The following LPIN2 variants were observed in gnomAD, a reference collection of about 807,000 sequenced individuals.
The protein encoded by LPIN2 is lipin 2.
Under a neutral mutation model 111.4 loss-of-function variants are expected in LPIN2, and 55 were observed. The ratio of observed to expected loss-of-function variants is 0.49; its 90% CI spans 0.40 to 0.62. LPIN2 has a LOEUF of 0.62. Ranked by LOEUF, LPIN2 falls within the 20% of genes least tolerant of loss-of-function variation. The probability of loss-of-function intolerance (pLI) is 0.00; values close to 1 mark genes in which losing one functional copy is unlikely to be tolerated. For synonymous variants in LPIN2, 425 were observed against 414.0 expected, an observed-to-expected ratio of 1.03 and a Z score of -0.32; for missense variants, 992 against 1,112.1, an observed-to-expected ratio of 0.89 and a Z score of 1.54.
At chr18:2,923,146 CGCAATA>C (rs1213245432) in intron 16 of LPIN2, among the ~76,000 whole-genome samples, 1 of 152,096 alleles carries the variant, frequency 6.6e-6, no homozygotes, top group African/African-American at 2.4e-5. Flanking sequence ...TAAGGCTGGG[CGCAATA>C]GCTCATGCCT....
chr18:2,991,994 T>A (rs1375652107), intron 1 of LPIN2, among the ~76,000 whole-genome samples: 1 of 129,672 alleles, frequency 7.7e-6, no homozygotes, highest in Non-Finnish European at 1.6e-5. Context: ...GGCGACAGAG[T>A]GAGACTCCAT....
chr18:2,934,342 C>A lies in LPIN2; in HGVS notation c.1268+9G>T. The A allele has an allele frequency of 5.1e-6, 8 of 1,575,664 alleles. No homozygotes were observed. Among genetic ancestry groups the A allele is most frequent in the Non-Finnish European group, 7.0e-6 (8 of 1,145,380 alleles). ...AGAGCTGTCCTTCAATAAATAAGGA[C>A]CACTCTACCTTTTAGGGAAATAAAG... On this transcript the variant is annotated intron_variant, in intron 8 of 19. Coordinates refer to ENST00000677752, the MANE Select transcript of LPIN2 (RefSeq NM_001375808.2).
intron 14 of LPIN2, 42 bp from the exon 15 acceptor site, chr18:2,924,588 A>G: frequency 1.2e-6 from 2 of 1,603,694 alleles, no homozygotes; most frequent in South Asian, 2.2e-5. Context: ...AGCTGAAAAC[A>G]TAGTTTGAAA....
chr18:2,975,982 T>C (rs1159633487), intron 1 of LPIN2, among the ~76,000 whole-genome samples: 1 of 152,160 alleles, frequency 6.6e-6, no homozygotes, highest in Non-Finnish European at 1.5e-5. Flanking sequence ...ATTTACACAC[T>C]GACCTAGAAG....
chr18:2,928,526 G>T, intron 11 of LPIN2, 65 bp downstream of exon 11: 2 of 1,438,908 alleles, frequency 1.4e-6, no homozygotes, highest in South Asian at 1.1e-5. Flanking sequence ...TGCACATATG[G>T]ATTTGTGTAA....
intron 1 of LPIN2, among the ~76,000 whole-genome samples, chr18:2,970,172 T>C (rs1402561251): frequency 6.6e-6 from 1 of 152,184 alleles, no homozygotes; most frequent in African/African-American, 2.4e-5. Flanking sequence ...TGATTCAATA[T>C]TTCTGTTTGG....
At chr18:2,969,250 T>C (rs2077863413) in intron 1 of LPIN2, among the ~76,000 whole-genome samples, 1 of 152,234 alleles carries the variant, frequency 6.6e-6, no homozygotes, top group African/African-American at 2.4e-5. Context: ...TTTGTGCTAC[T>C]TCCAAAATCA....
At chr18:2,926,594 A>G (rs1010250314) in intron 13 of LPIN2, 129 bp downstream of exon 13, 60 of 756,790 alleles carry the variant, frequency 7.9e-5, no homozygotes, top group Admixed American at 6.8e-4. Context: ...TGGCACAAAT[A>G]TATCACAGCA....
In LPIN2 at chr18:2,951,357, C is replaced by A. The variant is rs1196587621; in HGVS notation, c.289-1G>T. ...TGGCAAGGTAAGCAGGAAGCTTTTC[C>A]TTGAGGAGAATGGAGAAAGAAAAGT... is the stretch of plus-strand genomic sequence containing the variant. On this transcript the variant is annotated splice_acceptor_variant, in intron 3 of 19. Coordinates refer to ENST00000677752, the MANE Select transcript of LPIN2 (RefSeq NM_001375808.2). LOFTEE classifies it high-confidence loss of function. 1 of 1,613,600 alleles carries A rather than the reference C, an allele frequency of 6.2e-7. No individual in the cohort carries two copies. Among genetic ancestry groups the A allele is most frequent in the Non-Finnish European group, 8.5e-7 (1 of 1,179,788 alleles).
intron 1 of LPIN2, among the ~76,000 whole-genome samples, chr18:2,978,281 C>G (rs960623293): frequency 6.6e-6 from 1 of 152,110 alleles, no homozygotes; most frequent in Non-Finnish European, 1.5e-5. Flanking sequence ...GATACACATT[C>G]ATTACAAAAG....
rs765541465 is a variant in LPIN2, at chr18:2,920,323, G to C, written c.2661C>G (p.Ile887Met). 3.7e-6 allele frequency: 6 copies of C among 1,614,178 alleles called. No individual in the cohort carries two copies. Among genetic ancestry groups the C allele is most frequent in the Non-Finnish European group, 5.1e-6 (6 of 1,180,050 alleles). ...ACAGGTCATCCAGGTCCACTTCAGG[G>C]ATCGGGTCTCGCCAGTAGCAGAAGG... ...FSSFCYWRDP[I>M]PEVDLDDLS is the part of the protein sequence containing the mutation. Residue 887 changes from isoleucine to methionine, a missense_variant, in exon 20 of 20, where the codon ATC (isoleucine) becomes ATG (methionine). Physicochemically the swap from Ile to Met is conservative, Grantham distance 10 (BLOSUM62 1). This residue lies in a region of LPIN2 where 185 missense variants were observed against 186.5 expected (regional missense o/e 0.99). Transcript: ENST00000677752.
At chr18:2,942,556 A>C (rs1012031078) in intron 4 of LPIN2, among the ~76,000 whole-genome samples, 2 of 152,324 alleles carry the variant, frequency 1.3e-5, no homozygotes, top group Non-Finnish European at 2.9e-5. Flanking sequence ...GAATTCAGCA[A>C]AGCAAACAGG....
At chr18:2,979,883 T>C (rs1168787500) in intron 1 of LPIN2, among the ~76,000 whole-genome samples, 1 of 152,174 alleles carries the variant, frequency 6.6e-6, no homozygotes, top group Non-Finnish European at 1.5e-5. Flanking sequence ...GAGTTTTCAT[T>C]TCAGTGCACA....
chr18:2,945,927 G>T lies in LPIN2; in HGVS notation c.590+5128C>A, dbSNP rs570699130. 2.1e-5 allele frequency: 30 copies of T among 1,419,356 alleles called. No individual in the cohort carries two copies. The East Asian group carries it at 6.4e-4, about 30-fold the overall frequency. 87.9% of individuals were successfully genotyped at this position (1,419,356 alleles called of 1,614,324 possible). On this transcript the variant is annotated intron_variant, in intron 4 of 19. Coordinates refer to ENST00000677752, the MANE Select transcript of LPIN2 (RefSeq NM_001375808.2). ...CTTTTGTACAGCCCTCTTGGTCTAAGAATGTATTAAAATCAGAAGTTTTTC... is the reference window on the plus strand; with the variant it reads ...CTTTTGTACAGCCCTCTTGGTCTAATAATGTATTAAAATCAGAAGTTTTTC...
Position 2,926,724 on chromosome 18 carries a change from T to C in LPIN2, c.1792A>G (p.Arg598Gly). 6.2e-7 allele frequency: 1 copy of C among 1,612,256 alleles called. No individual in the cohort carries two copies. The highest frequency in any genetic ancestry group is 1.3e-5 in the African/African-American group (1 of 75,040). ...CCGGGCAGAGGACAGGGCACCCACC[T>C]GGCACCGGCCGGCTCCTTGGAGCTG... ...PSSSKEPAGA[R>G]PAENDSSSDE... The change falls in exon 13 of 20, where the codon AGG (arginine) becomes GGG (glycine). Residue 598 changes from arginine to glycine, a missense_variant and splice_region_variant. Physicochemically the swap from Arg to Gly is moderately radical, Grantham distance 125. Transcript: ENST00000677752.
In LPIN2 at chr18:2,983,507, G is replaced by A. The variant is rs548193624; in HGVS notation, c.-9-22658C>T. ...AAAACCGCAAACACACAACTCACAT[G>A]GACAAACATATTAGATTTCTGAATT... On this transcript the variant is annotated intron_variant, in intron 1 of 19. Coordinates refer to ENST00000677752, the MANE Select transcript of LPIN2 (RefSeq NM_001375808.2). Among the ~76,000 whole-genome samples the A allele has an allele frequency of 2.6e-4, 40 of 152,224 alleles. No individual in the cohort carries two copies. The South Asian group carries it at 6.2e-3, about 24-fold the overall frequency.
chr18:2,930,645 G>A (rs1466300859), intron 9 of LPIN2, among the ~76,000 whole-genome samples: 1 of 152,150 alleles, frequency 6.6e-6, no homozygotes, highest in Admixed American at 6.5e-5. Context: ...GTTTTAAAAG[G>A]AAGGTTAAAA....
chr18:2,965,672 G>A (rs1339787897), intron 1 of LPIN2, among the ~76,000 whole-genome samples: 1 of 146,204 alleles, frequency 6.8e-6, no homozygotes, highest in African/African-American at 2.5e-5. Context: ...AGAGGTTGCA[G>A]TGAGCTGAGA....
intron 1 of LPIN2, among the ~76,000 whole-genome samples, chr18:3,003,371 T>C (rs149232143): frequency 0.015 from 2,217 of 152,322 alleles, 70 homozygotes; most frequent in African/African-American, 0.05. Context: ...AGATACTCAC[T>C]TGTATTAGGG....
Sources: gnomAD v4.1 joint callset for allele counts (sites outside exome capture counted in the v4.1 genomes callset) on GRCh38, gnomAD v4.1.1 for gene constraint, gnomAD v4.1.1 regional missense constraint, MANE v1.5 for transcripts, NCBI Gene and HGNC (gene_info 2026-07-23, HGNC 2026-07-21) for gene names.